BNC2: variants seen among roughly 807,000 people sequenced by gnomAD.
The protein encoded by BNC2 is basonuclin zinc finger protein 2, also known as zinc finger protein basonuclin-2.
In BNC2, 20 loss-of-function variants were observed where a neutral mutation model predicts 76.3. The ratio of observed to expected loss-of-function variants is 0.26; its 90% CI spans 0.18 to 0.38. The LOEUF (loss-of-function observed/expected upper bound fraction) is 0.38. Among genes scored for constraint, BNC2 ranks in the 10% least tolerant of loss-of-function variants. The probability of loss-of-function intolerance (pLI) is 1.00; values close to 1 mark genes in which losing one functional copy is unlikely to be tolerated. For missense variants in BNC2, 1,382 were observed against 1,399.8 expected (o/e 0.99, Z 0.20); for synonymous variants, 582 against 514.8 (o/e 1.13, Z -1.77).
intron 3 of BNC2, among the ~76,000 whole-genome samples, chr9:16,710,975 C>T (rs1476650524): frequency 2.0e-5 from 3 of 152,116 alleles, no homozygotes; most frequent in East Asian, 1.9e-4. Flanking sequence ...ATTTTCTATT[C>T]CCCAAACTGT....
At chr9:16,552,416 C>T (rs1387003751) in intron 5 of BNC2, 114 bp downstream of exon 5, 3 of 869,468 alleles carry the variant, frequency 3.5e-6, no homozygotes, top group African/African-American at 1.7e-5. Context: ...CTGAAACGAC[C>T]ACTTTAACCA....
chr9:16,629,764 A>G (rs1364521616), intron 3 of BNC2, among the ~76,000 whole-genome samples: 1 of 152,218 alleles, frequency 6.6e-6, no homozygotes, highest in South Asian at 2.1e-4. Context: ...GCATACATAC[A>G]TCTAAAATAC....
intron 1 of BNC2, among the ~76,000 whole-genome samples, chr9:16,846,011 G>A (rs918205109): frequency 6.6e-6 from 1 of 151,862 alleles, no homozygotes; most frequent in Non-Finnish European, 1.5e-5. Flanking sequence ...TTAGCTGGCC[G>A]CGGTGGCGGG....
In BNC2 at chr9:16,792,936, C is replaced by G. The variant is rs192414266; in HGVS notation, c.4-54451G>C. On this transcript the variant is annotated intron_variant, in intron 1 of 6. Coordinates refer to ENST00000380672, the MANE Select transcript of BNC2 (RefSeq NM_017637.6). ...TTAACTAAAATAAGTGGATTCCTCT[C>G]TAAATATAATCTACTCATAAGGATA... Among the ~76,000 whole-genome samples, 14 of 152,306 alleles carry G rather than the reference C, an allele frequency of 9.2e-5. No individual in the cohort carries two copies. The East Asian group carries it at 9.6e-4, about 10-fold the overall frequency.
intron 3 of BNC2, among the ~76,000 whole-genome samples, chr9:16,653,346 C>T (rs549158977): frequency 6.6e-6 from 1 of 152,230 alleles, no homozygotes; most frequent in South Asian, 2.1e-4. Flanking sequence ...GAAATCTCCC[C>T]TTCGATATGT....
At position 16,415,752 on chromosome 9, in the gene BNC2, T is replaced by C. The variant is rs774183194; in HGVS notation, c.*3237A>G. ...GAATTGTACATTTTATGATTTTCCA[T>C]TGCATGTACTACATCCATCCACTCC... On this transcript the variant is annotated 3_prime_UTR_variant, in exon 7 of 7. Coordinates refer to ENST00000380672, the MANE Select transcript of BNC2 (RefSeq NM_017637.6). 6.6e-6 allele frequency: 1 copy of C among 152,320 alleles called. No individual in the cohort carries two copies. The highest frequency in any genetic ancestry group is 2.1e-4 in the South Asian group (1 of 4,830). 9.4% of individuals were successfully genotyped at this position (152,320 alleles called of 1,614,324 possible). A position where few individuals can be genotyped will look rare whatever the true frequency, so the allele number is the denominator to read the frequency against.
At chr9:16,752,446 A>C (rs1007510037) in intron 1 of BNC2, among the ~76,000 whole-genome samples, 12 of 152,232 alleles carry the variant, frequency 7.9e-5, no homozygotes, top group African/African-American at 2.9e-4. Flanking sequence ...GCAGTAGTTA[A>C]GTCAAATGAG....
At chr9:16,827,707 C>A (rs36067353) in intron 1 of BNC2, among the ~76,000 whole-genome samples, 56,890 of 151,928 alleles carry the variant, frequency 0.37, 14,145 homozygotes, top group Non-Finnish European at 0.56. Context: ...TATGTGCACA[C>A]GTGTGTAAAA....
intron 5 of BNC2, among the ~76,000 whole-genome samples, chr9:16,445,736 G>C (rs766644674): frequency 6.6e-6 from 1 of 152,144 alleles, no homozygotes; most frequent in Non-Finnish European, 1.5e-5. Context: ...GACTTTACTT[G>C]TTAACATTGA....
chr9:16,701,188 T>C (rs975998657), intron 3 of BNC2, among the ~76,000 whole-genome samples: 1 of 152,224 alleles, frequency 6.6e-6, no homozygotes, highest in Non-Finnish European at 1.5e-5. Context: ...ACAACTCTGA[T>C]TTTTATCAGT....
intron 1 of BNC2, among the ~76,000 whole-genome samples, chr9:16,796,841 A>G: frequency 6.6e-6 from 1 of 152,172 alleles, no homozygotes; most frequent in Non-Finnish European, 1.5e-5. Context: ...ACTACCATTT[A>G]TTTATCTTCA....
At chr9:16,450,024 T>A (rs1821308847) in intron 5 of BNC2, among the ~76,000 whole-genome samples, 1 of 152,164 alleles carries the variant, frequency 6.6e-6, no homozygotes, top group Non-Finnish European at 1.5e-5. Context: ...CAGTGACTTA[T>A]AACTAGTCCA....
chr9:16,782,398 T>C (rs141670028), intron 1 of BNC2, among the ~76,000 whole-genome samples: 2 of 152,174 alleles, frequency 1.3e-5, no homozygotes, highest in Admixed American at 6.5e-5. Flanking sequence ...TCATTTTTCA[T>C]CTCCTCATCA....
chr9:16,635,385 T>C (rs77294863), intron 3 of BNC2, among the ~76,000 whole-genome samples: 11,272 of 152,244 alleles, frequency 0.074, 624 homozygotes, highest in South Asian at 0.21. Context: ...TATTTTTTTC[T>C]TGGTCTCTGT....
At chr9:16,642,478 G>A (rs1487712601) in intron 3 of BNC2, among the ~76,000 whole-genome samples, 1 of 152,092 alleles carries the variant, frequency 6.6e-6, no homozygotes, top group African/African-American at 2.4e-5. Flanking sequence ...TCTCCACACT[G>A]AGAAAACAAC....
intron 5 of BNC2, among the ~76,000 whole-genome samples, chr9:16,483,146 G>A (rs1239495765): frequency 1.3e-5 from 2 of 152,144 alleles, no homozygotes; most frequent in Non-Finnish European, 2.9e-5. Flanking sequence ...AATGAGACGG[G>A]AAATGAAAAA....
At position 16,693,127 on chromosome 9, in the gene BNC2, CAAAAAA is replaced by C. The variant is rs34223075; in HGVS notation, c.330+34664_330+34669del. ...CCTGGGCAACACAGTAAGACAGTCT[CAAAAAA>C]AAAAAAAAAAAAAAAAGACTTCACT... On this transcript the variant is annotated intron_variant, in intron 3 of 6. Transcript: ENST00000380672. 1.3e-4 allele frequency among the ~76,000 whole-genome samples: 8 copies of C among 60,442 alleles called. 1 individual carries two copies. The highest frequency in any genetic ancestry group is 7.6e-5 in the African/African-American group (1 of 13,140). The allele number at this position is 60,442 out of a possible 152,430, so 39.7% of individuals were successfully genotyped here.
chr9:16,541,116 T>C (rs1818307698), intron 5 of BNC2, among the ~76,000 whole-genome samples: 2 of 152,232 alleles, frequency 1.3e-5, no homozygotes, highest in South Asian at 2.1e-4. Context: ...AAATGTCTTG[T>C]ACTGCTCTCA....
At chr9:16,639,041 A>T (rs1821409642) in intron 3 of BNC2, among the ~76,000 whole-genome samples, 1 of 152,202 alleles carries the variant, frequency 6.6e-6, no homozygotes, top group Admixed American at 6.5e-5. Flanking sequence ...AGAAACTCTC[A>T]TAAGAAGAAA....
Sources: allele counts gnomAD v4.1 joint callset (sites outside exome capture counted in the v4.1 genomes callset), GRCh38; gene constraint gnomAD v4.1.1; transcripts MANE v1.5; gene names NCBI Gene and HGNC (gene_info 2026-07-23, HGNC 2026-07-21).